Variants in SHANK2 observed in about 807,000 individuals in gnomAD.
SHANK2 encodes the protein SH3 and multiple ankyrin repeat domains 2.
In SHANK2, 43 loss-of-function variants were observed where a neutral mutation model predicts 133.7. The observed-to-expected ratio is 0.32, with a 90% CI of 0.25 to 0.41. SHANK2 has a LOEUF of 0.41. Ranked by LOEUF, SHANK2 falls within the 10% of genes least tolerant of loss-of-function variation. The pLI, the probability that SHANK2 is intolerant of heterozygous loss-of-function variation, is 1.00. For missense variants in SHANK2, 1,994 were observed against 2,235.8 expected (o/e 0.89, Z 2.18); for synonymous variants, 1,017 against 952.8 (o/e 1.07, Z -1.24).
intron 5 of SHANK2, among the ~76,000 whole-genome samples, chr11:71,112,668 C>T (rs562870227): frequency 6.6e-6 from 1 of 152,260 alleles, no homozygotes. Context: ...ATTACAGATT[C>T]CTCCTCCTGT....
intron 11 of SHANK2, chr11:70,863,866 CAGG>C (rs1270408698): frequency 4.4e-6 from 2 of 457,676 alleles, no homozygotes; most frequent in Non-Finnish European, 8.8e-6. Flanking sequence ...ACCTGCAAGC[CAGG>C]AGGAGAGGCC....
In SHANK2 at chr11:71,206,272, G is replaced by A. The variant is rs552633827; in HGVS notation, c.-13+18425C>T. Among the ~76,000 whole-genome samples, 3 of 152,338 alleles carry A rather than the reference G, an allele frequency of 2.0e-5. No individual in the cohort carries two copies. The South Asian group carries it at 6.2e-4, about 32-fold the overall frequency. On this transcript the variant is annotated intron_variant, in intron 2 of 25. Coordinates refer to ENST00000601538, the MANE Select transcript of SHANK2 (RefSeq NM_012309.5). ...AAGGGCTGGAACAACGCCTGCACGT[G>A]ATCAACAGCATCCGCACACCCGGAT... is the stretch of plus-strand genomic sequence containing the variant.
At chr11:70,730,546 C>T (rs1783606) in intron 14 of SHANK2, among the ~76,000 whole-genome samples, 23,750 of 152,212 alleles carry the variant, frequency 0.16, 2,149 homozygotes, top group South Asian at 0.29. Flanking sequence ...CCGCATCTCC[C>T]AGCCCTTCCA....
At chr11:70,570,097 T>C (rs1156935084) in intron 17 of SHANK2, among the ~76,000 whole-genome samples, 1 of 152,174 alleles carries the variant, frequency 6.6e-6, no homozygotes, top group Admixed American at 6.5e-5. Flanking sequence ...TGACTGTTTT[T>C]TGACCTATAA....
intron 14 of SHANK2, among the ~76,000 whole-genome samples, chr11:70,729,630 T>C (rs1946243173): frequency 6.6e-6 from 1 of 151,428 alleles, no homozygotes; most frequent in Admixed American, 6.6e-5. Flanking sequence ...GTTCACGCCA[T>C]TCTCCTGCTT....
At chr11:71,084,766 G>T (rs1208681669) in intron 8 of SHANK2, among the ~76,000 whole-genome samples, 9 of 152,360 alleles carry the variant, frequency 5.9e-5, no homozygotes, top group Middle Eastern at 3.4e-3. Context: ...CTTCTGGTAA[G>T]AGACAGGCCA....
In SHANK2 at chr11:70,937,606, T is replaced by C. The variant is rs149810618; in HGVS notation, c.1108-41039A>G. Among the ~76,000 whole-genome samples, 4 of 152,030 alleles carry C rather than the reference T, an allele frequency of 2.6e-5. No individual in the cohort carries two copies. The South Asian group carries it at 8.3e-4, about 32-fold the overall frequency. Reference sequence around the variant, plus strand: ...GATGGGGGTGGCCACCATTGGATCATGTGCATTCTGCTATCAAAGATCACG... The same window carrying C: ...GATGGGGGTGGCCACCATTGGATCACGTGCATTCTGCTATCAAAGATCACG... On this transcript the variant is annotated intron_variant, in intron 10 of 25. Transcript: ENST00000601538.
At chr11:71,161,887 A>G (rs1953026675) in intron 2 of SHANK2, among the ~76,000 whole-genome samples, 1 of 152,230 alleles carries the variant, frequency 6.6e-6, no homozygotes, top group South Asian at 2.1e-4. Flanking sequence ...TACAGAGTTG[A>G]CTATTTTTCA....
intron 17 of SHANK2, among the ~76,000 whole-genome samples, chr11:70,545,105 G>T (rs900062122): frequency 6.6e-6 from 1 of 152,158 alleles, no homozygotes; most frequent in East Asian, 1.9e-4. Flanking sequence ...GCCTGGGAGG[G>T]GTTGCGCTCT....
chr11:71,165,963 G>A (rs543723708), intron 2 of SHANK2, among the ~76,000 whole-genome samples: 18 of 152,258 alleles, frequency 1.2e-4, no homozygotes, highest in Admixed American at 8.5e-4. Context: ...CGTGAGTGGA[G>A]GACAACTCTC....
At chr11:70,929,077 G>A (rs1241722603) in intron 10 of SHANK2, among the ~76,000 whole-genome samples, 2 of 152,246 alleles carry the variant, frequency 1.3e-5, no homozygotes, top group African/African-American at 4.8e-5. Context: ...AGGACAGGGA[G>A]AACAATGCGC....
chr11:70,659,441 G>A (rs1210508120), intron 17 of SHANK2, among the ~76,000 whole-genome samples: 18 of 152,070 alleles, frequency 1.2e-4, no homozygotes, highest in Non-Finnish European at 2.9e-5. Flanking sequence ...AGTGGTTGCC[G>A]ACTCACCCAT....
intron 17 of SHANK2, among the ~76,000 whole-genome samples, chr11:70,541,221 G>A (rs1554975121): frequency 6.6e-6 from 1 of 152,170 alleles, no homozygotes; most frequent in Non-Finnish European, 1.5e-5. Flanking sequence ...CACCACATTT[G>A]CCTTCCTCCT....
chr11:70,481,612 T>C (rs2058734540), intron 25 of SHANK2, among the ~76,000 whole-genome samples: 1 of 152,266 alleles, frequency 6.6e-6, no homozygotes, highest in East Asian at 1.9e-4. Flanking sequence ...ACACCACTGC[T>C]TATCTGTCAT....
intron 17 of SHANK2, among the ~76,000 whole-genome samples, chr11:70,529,939 T>C (rs1384312948): frequency 1.3e-5 from 2 of 152,204 alleles, no homozygotes; most frequent in Non-Finnish European, 2.9e-5. Context: ...GCTTACCAGT[T>C]ACGACCATTT....
intron 12 of SHANK2, among the ~76,000 whole-genome samples, chr11:70,813,239 C>T (rs909646305): frequency 6.6e-6 from 1 of 152,124 alleles, no homozygotes; most frequent in Non-Finnish European, 1.5e-5. Context: ...TTAGAGTCCA[C>T]AGGGCCTACC....
chr11:71,234,714 G>A (rs1555123461), intron 1 of SHANK2, among the ~76,000 whole-genome samples: 3 of 152,030 alleles, frequency 2.0e-5, no homozygotes, highest in African/African-American at 7.2e-5. Flanking sequence ...GCCCGCATTC[G>A]AGCTAAGTCT....
chr11:70,833,687 T>G (rs1948764840), intron 11 of SHANK2, among the ~76,000 whole-genome samples: 1 of 152,270 alleles, frequency 6.6e-6, no homozygotes. Context: ...TTACGCACAG[T>G]GGGTGCTCAA....
chr11:71,128,567 G>T (rs1357759904), intron 3 of SHANK2, among the ~76,000 whole-genome samples: 1 of 152,098 alleles, frequency 6.6e-6, no homozygotes, highest in Non-Finnish European at 1.5e-5. Flanking sequence ...AAGTTCTCAG[G>T]ACTTCTTCAG....
Sources: gnomAD v4.1 joint callset for allele counts (sites outside exome capture counted in the v4.1 genomes callset) on GRCh38, gnomAD v4.1.1 for gene constraint, MANE v1.5 for transcripts, NCBI Gene and HGNC (gene_info 2026-07-23, HGNC 2026-07-21) for gene names.